Variants in SLCO5A1 observed in about 807,000 individuals in gnomAD.
SLCO5A1 encodes organic anion transporter polypeptide-related protein 4.
In SLCO5A1, 39 loss-of-function variants were observed where a neutral mutation model predicts 65.1. The ratio of observed to expected loss-of-function variants is 0.60; its 90% confidence interval spans 0.46 to 0.78. SLCO5A1 has a LOEUF of 0.78. Ranked by LOEUF, SLCO5A1 falls within the 30% of genes least tolerant of loss-of-function variation. The pLI, the probability that SLCO5A1 is intolerant of heterozygous loss-of-function variation, is 0.00. For missense variants in SLCO5A1, 1,029 were observed against 1,069.4 expected (o/e 0.96, Z 0.53); for synonymous variants, 438 against 415.7 (o/e 1.05, Z -0.65).
At chr8:69,812,895 A>G (rs963222707) in intron 2 of SLCO5A1, among the ~76,000 whole-genome samples, 2 of 152,244 alleles carry the variant, frequency 1.3e-5, no homozygotes, top group African/African-American at 2.4e-5. Context: ...AGATTTCTCT[A>G]CGAAGATTTT....
intron 5 of SLCO5A1, among the ~76,000 whole-genome samples, chr8:69,737,372 C>G (rs1816604863): frequency 6.6e-6 from 1 of 152,150 alleles, no homozygotes. Context: ...AATCAGCCAT[C>G]TTTGATATCA....
intron 2 of SLCO5A1, among the ~76,000 whole-genome samples, chr8:69,763,341 G>T (rs1339223127): frequency 6.7e-6 from 1 of 150,078 alleles, no homozygotes. Flanking sequence ...CAGGCCAGGC[G>T]CAGTGGCTCA....
At chr8:69,754,566 C>T (rs114716092) in intron 4 of SLCO5A1, among the ~76,000 whole-genome samples, 4,546 of 151,994 alleles carry the variant, frequency 0.03, 166 homozygotes, top group African/African-American at 0.087. Flanking sequence ...TAATTTATAT[C>T]AAAAAAATCA....
intron 2 of SLCO5A1, among the ~76,000 whole-genome samples, chr8:69,813,130 C>A (rs1820273578): frequency 6.6e-6 from 1 of 152,110 alleles, no homozygotes; most frequent in African/African-American, 2.4e-5. Context: ...GATTTACAGC[C>A]AGGAAGTCTA....
intron 8 of SLCO5A1, among the ~76,000 whole-genome samples, chr8:69,678,239 G>C (rs1278842071): frequency 6.6e-6 from 1 of 152,018 alleles, no homozygotes; most frequent in Non-Finnish European, 1.5e-5. Flanking sequence ...TTCTTAACAG[G>C]ATCCATTTAG....
At chr8:69,765,530 C>T (rs1818024279) in intron 2 of SLCO5A1, among the ~76,000 whole-genome samples, 2 of 152,058 alleles carry the variant, frequency 1.3e-5, no homozygotes, top group Admixed American at 6.6e-5. Flanking sequence ...ACTGCACTAA[C>T]ATTAGTGGAT....
intron 2 of SLCO5A1, among the ~76,000 whole-genome samples, chr8:69,765,008 T>G (rs1817989498): frequency 6.6e-6 from 1 of 152,150 alleles, no homozygotes; most frequent in Non-Finnish European, 1.5e-5. Context: ...AAAAAAACCC[T>G]TAACTACTCC....
chr8:69,674,272 C>T (rs1472649716), intron 9 of SLCO5A1, among the ~76,000 whole-genome samples: 2 of 151,996 alleles, frequency 1.3e-5, no homozygotes, highest in Non-Finnish European at 2.9e-5. Context: ...TCCCAAAGAC[C>T]TCAATAAAAA....
At chr8:69,687,143 A>C (rs930424165) in intron 6 of SLCO5A1, among the ~76,000 whole-genome samples, 1 of 152,220 alleles carries the variant, frequency 6.6e-6, no homozygotes, top group Non-Finnish European at 1.5e-5. Context: ...CCTTTCAAAA[A>C]GGATAAAATA....
At chr8:69,687,655 A>C (rs1231595791) in intron 6 of SLCO5A1, among the ~76,000 whole-genome samples, 1 of 152,108 alleles carries the variant, frequency 6.6e-6, no homozygotes, top group East Asian at 1.9e-4. Flanking sequence ...GCATAGTGCT[A>C]ACACCCAGCG....
At chr8:69,749,163 C>T (rs1250733375) in intron 4 of SLCO5A1, among the ~76,000 whole-genome samples, 1 of 152,154 alleles carries the variant, frequency 6.6e-6, no homozygotes, top group African/African-American at 2.4e-5. Flanking sequence ...AGCAAAGGAG[C>T]ATATGCAATG....
At chr8:69,794,332 G>T in intron 2 of SLCO5A1, 1 of 437,240 alleles carries the variant, frequency 2.3e-6, no homozygotes, top group South Asian at 1.9e-5. Flanking sequence ...GGGCAGCCAG[G>T]ACTGAGTAGA....
rs922915825 is a variant in SLCO5A1 at position 69,667,077 on chromosome 8, CTTTT to C, written c.*5788_*5791del. 7 of 152,096 alleles carry C rather than the reference CTTTT, an allele frequency of 4.6e-5. No individual in the cohort carries two copies. Among genetic ancestry groups the C allele is most frequent in the African/African-American group, 1.7e-4 (7 of 41,420 alleles). The allele number at this position is 152,096 out of a possible 1,614,324, so 9.4% of individuals were successfully genotyped here. A position where few individuals can be genotyped will look rare whatever the true frequency, so the allele number is the denominator to read the frequency against. On this transcript the variant is annotated 3_prime_UTR_variant, in exon 10 of 10. Coordinates refer to ENST00000260126, the MANE Select transcript of SLCO5A1 (RefSeq NM_030958.3). ...TCCAACACACTTTATTCATTTTTAA[CTTTT>C]TTCTTAATTTTCAATAATCAAGTAT...
intron 2 of SLCO5A1, among the ~76,000 whole-genome samples, chr8:69,796,051 G>C (rs1244001467): frequency 1.3e-5 from 2 of 152,214 alleles, no homozygotes; most frequent in African/African-American, 4.8e-5. Flanking sequence ...ACAGGGCAGG[G>C]GGGGCCCTGG....
intron 9 of SLCO5A1, among the ~76,000 whole-genome samples, chr8:69,675,842 G>C (rs1236223644): frequency 6.6e-6 from 1 of 152,184 alleles, no homozygotes; most frequent in Non-Finnish European, 1.5e-5. Flanking sequence ...GGAAATGACA[G>C]ACTGCCACTT....
chr8:69,768,874 C>T lies in SLCO5A1; in HGVS notation c.908-6999G>A, dbSNP rs929852474. On this transcript the variant is annotated intron_variant, in intron 2 of 9. Coordinates refer to ENST00000260126, the MANE Select transcript of SLCO5A1 (RefSeq NM_030958.3). ...GCCATATCATTCCTCTTTCCCTTCTCTTGCTATTACTTCACTGCTCGTCTA... is the reference window on the plus strand; with the variant it reads ...GCCATATCATTCCTCTTTCCCTTCTTTTGCTATTACTTCACTGCTCGTCTA... Among the ~76,000 whole-genome samples the T allele has an allele frequency of 2.6e-5, 4 of 152,300 alleles. No homozygotes were observed. The South Asian group carries it at 8.3e-4, about 32-fold the overall frequency.
At chr8:69,807,262 T>C (rs116561382) in intron 2 of SLCO5A1, among the ~76,000 whole-genome samples, 3,290 of 152,336 alleles carry the variant, frequency 0.022, 115 homozygotes, top group African/African-American at 0.074. Flanking sequence ...GGGTACAATG[T>C]GATGTTTCAA....
At chr8:69,692,229 A>T (rs1372028749) in intron 6 of SLCO5A1, among the ~76,000 whole-genome samples, 1 of 152,262 alleles carries the variant, frequency 6.6e-6, no homozygotes, top group East Asian at 1.9e-4. Context: ...AGCGTGGGCA[A>T]CAGAGTGAGA....
chr8:69,814,931 T>TG (rs1345990324), intron 2 of SLCO5A1, among the ~76,000 whole-genome samples: 1 of 152,222 alleles, frequency 6.6e-6, no homozygotes, highest in Non-Finnish European at 1.5e-5. Flanking sequence ...TTCTCACTTA[T>TG]GAAATCATGT....
Sources: gnomAD v4.1 joint callset for allele counts (sites outside exome capture counted in the v4.1 genomes callset) on GRCh38, gnomAD v4.1.1 for gene constraint, MANE v1.5 for transcripts, NCBI Gene and HGNC (gene_info 2026-07-23, HGNC 2026-07-21) for gene names.